GFOD1: variants seen among roughly 807,000 people sequenced by gnomAD.
The protein encoded by GFOD1 is Gfo/Idh/MocA-like oxidoreductase domain containing 1.
A neutral mutation model predicts 25.4 loss-of-function variants in GFOD1; 9 were observed. The observed-to-expected ratio is 0.35, with a 90% CI of 0.21 to 0.62. GFOD1 has a LOEUF of 0.62. Among genes scored for constraint, GFOD1 ranks in the 20% least tolerant of loss-of-function variants. The probability of loss-of-function intolerance (pLI) is 0.72; values close to 1 mark genes in which losing one functional copy is unlikely to be tolerated. For missense variants in GFOD1, 403 were observed against 556.9 expected (o/e 0.72, Z 2.78); for synonymous variants, 253 against 245.6 (o/e 1.03, Z -0.28).
At chr6:13,428,061 C>A (rs1353425013) in intron 1 of GFOD1, among the ~76,000 whole-genome samples, 1 of 152,222 alleles carries the variant, frequency 6.6e-6, no homozygotes, top group African/African-American at 2.4e-5. Context: ...TACATCAACA[C>A]AAGCTGGGTT....
intron 1 of GFOD1, among the ~76,000 whole-genome samples, chr6:13,421,563 C>A (rs1003296105): frequency 4.6e-5 from 7 of 151,984 alleles, no homozygotes; most frequent in African/African-American, 7.3e-5. Context: ...TAAAAAAAAA[C>A]CATCAATATT....
intron 1 of GFOD1, among the ~76,000 whole-genome samples, chr6:13,409,922 C>CAAAAAAAAA (rs757548005): frequency 1.4e-5 from 1 of 72,074 alleles, no homozygotes; most frequent in Non-Finnish European, 3.3e-5. Flanking sequence ...GGCTCCATTT[C>CAAAAAAAAA]AAAAAAAAAA....
At chr6:13,473,412 C>T (rs9474278) in intron 1 of GFOD1, among the ~76,000 whole-genome samples, 3,256 of 152,322 alleles carry the variant, frequency 0.021, 124 homozygotes, top group African/African-American at 0.074. Context: ...GTTCTTCCCA[C>T]GCCCTCTAAG....
At chr6:13,431,887 T>C (rs1195659397) in intron 1 of GFOD1, among the ~76,000 whole-genome samples, 2 of 152,252 alleles carry the variant, frequency 1.3e-5, no homozygotes, top group African/African-American at 2.4e-5. Flanking sequence ...AAATATTTGA[T>C]TGTTCAGAGC....
chr6:13,466,061 G>C (rs942168875), intron 1 of GFOD1, among the ~76,000 whole-genome samples: 1 of 152,086 alleles, frequency 6.6e-6, no homozygotes, highest in African/African-American at 2.4e-5. Flanking sequence ...CAAGAGTAAA[G>C]TTACTGCTAG....
intron 1 of GFOD1, among the ~76,000 whole-genome samples, chr6:13,387,612 G>A (rs1023703367): frequency 2.0e-5 from 3 of 152,152 alleles, no homozygotes; most frequent in East Asian, 1.9e-4. Flanking sequence ...TTGATGGAAC[G>A]TATCTCAAAA....
chr6:13,365,891 A>G lies in GFOD1; in HGVS notation c.254-229T>C, dbSNP rs1000648731. ...GAGATCCTGTCTCAATAATAATAAT[A>G]ATAATAATAATAATAATAATAATAA... is the stretch of plus-strand genomic sequence containing the variant. On this transcript the variant is annotated intron_variant, in intron 1 of 1. Transcript: ENST00000379287. This position sits in a 1 kb window ranked among gnomAD's most constrained non-coding sequence, Gnocchi z 9.2. 2.1e-5 allele frequency among the ~76,000 whole-genome samples: 3 copies of G among 144,440 alleles called. No individual in the cohort carries two copies. The highest frequency in any genetic ancestry group is 7.7e-5 in the African/African-American group (3 of 39,178). 94.8% of individuals were successfully genotyped at this position (144,440 alleles called of 152,430 possible). A position where few individuals can be genotyped will look rare whatever the true frequency, so the allele number is the denominator to read the frequency against.
At chr6:13,395,390 G>A (rs940885388) in intron 1 of GFOD1, among the ~76,000 whole-genome samples, 6 of 152,148 alleles carry the variant, frequency 3.9e-5, no homozygotes, top group Admixed American at 3.3e-4. Flanking sequence ...TAAACCACCC[G>A]ATAAAACTCA....
intron 1 of GFOD1, among the ~76,000 whole-genome samples, chr6:13,410,449 C>T (rs770461553): frequency 4.6e-5 from 7 of 151,926 alleles, no homozygotes; most frequent in African/African-American, 9.7e-5. Flanking sequence ...TGCCTGTAAT[C>T]GCAGCTACTC....
chr6:13,380,401 G>C (rs1026433791), intron 1 of GFOD1, among the ~76,000 whole-genome samples: 1 of 152,182 alleles, frequency 6.6e-6, no homozygotes, highest in Non-Finnish European at 1.5e-5. Flanking sequence ...CTTACTGTAG[G>C]GCTCTCTTCC....
At chr6:13,454,166 C>T (rs1417279346) in intron 1 of GFOD1, among the ~76,000 whole-genome samples, 2 of 152,134 alleles carry the variant, frequency 1.3e-5, no homozygotes, top group Admixed American at 6.5e-5. Context: ...CAGAGACTGC[C>T]GGCAGGCCAG....
Position 13,481,012 on chromosome 6 carries a change from C to T in GFOD1, c.253+5626G>A, listed in dbSNP as rs565743108. On this transcript the variant is annotated intron_variant, in intron 1 of 1. Coordinates refer to ENST00000379287, the MANE Select transcript of GFOD1 (RefSeq NM_018988.4). Reference sequence around the variant, plus strand: ...GTCTACTAGGTGACTAAGTGTCTGGCACTGTCTAAGGGAGATAAGGGTACC... The same window carrying T: ...GTCTACTAGGTGACTAAGTGTCTGGTACTGTCTAAGGGAGATAAGGGTACC... 2.6e-5 allele frequency among the ~76,000 whole-genome samples: 4 copies of T among 152,282 alleles called. No individual in the cohort carries two copies. The South Asian group carries it at 8.3e-4, about 32-fold the overall frequency.
At chr6:13,433,417 C>G (rs1757783590) in intron 1 of GFOD1, among the ~76,000 whole-genome samples, 1 of 152,186 alleles carries the variant, frequency 6.6e-6, no homozygotes, top group African/African-American at 2.4e-5. Context: ...CCAGCCCTGG[C>G]CTTTGGGTCA....
chr6:13,376,505 C>G (rs1785260139), intron 1 of GFOD1, among the ~76,000 whole-genome samples: 1 of 152,088 alleles, frequency 6.6e-6, no homozygotes, highest in African/African-American at 2.4e-5. Flanking sequence ...ATAAGCCACA[C>G]TACCCCCATA....
At chr6:13,427,207 C>T (rs533401627) in intron 1 of GFOD1, among the ~76,000 whole-genome samples, 20 of 152,170 alleles carry the variant, frequency 1.3e-4, no homozygotes, top group Admixed American at 3.3e-4. Flanking sequence ...GAAGGCCATG[C>T]ATAACTTGTC....
intron 1 of GFOD1, among the ~76,000 whole-genome samples, chr6:13,431,545 C>T (rs1484556097): frequency 1.3e-5 from 2 of 152,210 alleles, no homozygotes; most frequent in East Asian, 3.8e-4. Context: ...GATAATTCCA[C>T]ACTCACCAAT....
At chr6:13,425,655 T>C (rs1416970897) in intron 1 of GFOD1, among the ~76,000 whole-genome samples, 1 of 152,178 alleles carries the variant, frequency 6.6e-6, no homozygotes, top group Non-Finnish European at 1.5e-5. Flanking sequence ...ATACACATTC[T>C]GACATCTCCC....
At position 13,365,899 on chromosome 6, in the gene GFOD1, TAA is replaced by T. The variant is rs1030830097; in HGVS notation, c.254-239_254-238del. On this transcript the variant is annotated intron_variant, in intron 1 of 1. Transcript: ENST00000379287. This position sits in a 1 kb window ranked among gnomAD's most constrained non-coding sequence, Gnocchi z 9.2. ...GTCTCAATAATAATAATAATAATAA[TAA>T]TAATAATAATAATAATAATAATGAG... Among the ~76,000 whole-genome samples the T allele has an allele frequency of 6.8e-6, 1 of 146,056 alleles. No homozygotes were observed. Among genetic ancestry groups the T allele is most frequent in the Non-Finnish European group, 1.5e-5 (1 of 66,828 alleles).
chr6:13,482,292 A>G (rs146495419), intron 1 of GFOD1, among the ~76,000 whole-genome samples: 2,648 of 148,584 alleles, frequency 0.018, 81 homozygotes, highest in African/African-American at 0.061. Flanking sequence ...TGATTATATT[A>G]CTATATAAAA....
Sources: allele counts gnomAD v4.1 joint callset (sites outside exome capture counted in the v4.1 genomes callset), GRCh38; gene constraint gnomAD v4.1.1; non-coding constraint Gnocchi (gnomAD v3.1); transcripts MANE v1.5; gene names NCBI Gene and HGNC (gene_info 2026-07-23, HGNC 2026-07-21).